TMEM131L: variants seen among roughly 807,000 people sequenced by gnomAD.
TMEM131L encodes transmembrane protein 131-like.
In TMEM131L, 54 loss-of-function variants were observed where a neutral mutation model predicts 192.2. That is an observed-to-expected ratio of 0.28 (90% CI 0.23 to 0.35). The LOEUF (loss-of-function observed/expected upper bound fraction) is 0.35. Ranked by LOEUF, TMEM131L falls within the 10% of genes least tolerant of loss-of-function variation. The pLI, the probability that TMEM131L is intolerant of heterozygous loss-of-function variation, is 1.00. For synonymous variants in TMEM131L, 701 were observed against 704.9 expected (o/e 0.99, Z 0.09); for missense variants, 1,888 against 1,972.9 (o/e 0.96, Z 0.82).
intron 3 of TMEM131L, among the ~76,000 whole-genome samples, chr4:153,531,685 C>T (rs1194236572): frequency 6.6e-6 from 1 of 152,140 alleles, no homozygotes; most frequent in African/African-American, 2.4e-5. Context: ...TTTCTTATCT[C>T]TGTTTATAGT....
At chr4:153,490,681 C>G (rs920959928) in intron 3 of TMEM131L, among the ~76,000 whole-genome samples, 1 of 151,886 alleles carries the variant, frequency 6.6e-6, no homozygotes, top group African/African-American at 2.4e-5. Flanking sequence ...AGCGGCCGGG[C>G]GTGGGGGCTC....
intron 27 of TMEM131L, 139 bp downstream of exon 27, chr4:153,621,019 T>G: frequency 1.7e-6 from 1 of 590,800 alleles, no homozygotes; most frequent in Non-Finnish European, 2.9e-6. Flanking sequence ...CTCTTAAGAT[T>G]AAAATACATT....
rs147296333 is a variant in TMEM131L, at chr4:153,636,372, C to T, written c.4629C>T (p.Ser1543=). ...GLFGSIWAPQ[S]DVYENCCPIN... is the part of the protein sequence containing the mutation. ...TTGGTTCCATCTGGGCCCCGCAAAG[C>T]GATGTGTATGAAAATTGCTGCCCCA... Residue 1543 remains serine (S), a synonymous_variant, in exon 35 of 35, where the codon AGC becomes AGT. Transcript: ENST00000409959. 11 of 1,614,104 alleles carry T rather than the reference C, an allele frequency of 6.8e-6. 1 individual carries two copies. The highest frequency in any genetic ancestry group is 4.5e-5 in the East Asian group (2 of 44,890).
intron 12 of TMEM131L, 73 bp from the exon 13 acceptor site, chr4:153,585,381 TGCAA>T: frequency 7.2e-7 from 1 of 1,380,602 alleles, no homozygotes; most frequent in Admixed American, 2.0e-5. Context: ...CTCCTGTTTT[TGCAA>T]TTAGAGGCTC....
At chr4:153,582,502 C>T (rs1036976906) in intron 9 of TMEM131L, among the ~76,000 whole-genome samples, 2 of 120,066 alleles carry the variant, frequency 1.7e-5, no homozygotes, top group Non-Finnish European at 3.2e-5. Flanking sequence ...TGGTCTTGAA[C>T]TCCTGGGCTC....
chr4:153,513,407 TA>T (rs777336031), intron 3 of TMEM131L, among the ~76,000 whole-genome samples: 127 of 152,146 alleles, frequency 8.3e-4, no homozygotes, highest in Non-Finnish European at 1.5e-3. Flanking sequence ...ATCAAATGAG[TA>T]AACTGAAGAC....
chr4:153,524,309 A>C (rs561206924), intron 3 of TMEM131L, among the ~76,000 whole-genome samples: 2 of 152,186 alleles, frequency 1.3e-5, no homozygotes, highest in Non-Finnish European at 2.9e-5. Flanking sequence ...GAGGGGCAGC[A>C]GCTAAGTTGT....
intron 3 of TMEM131L, among the ~76,000 whole-genome samples, chr4:153,476,260 G>C (rs776915261): frequency 6.6e-6 from 1 of 152,116 alleles, no homozygotes; most frequent in Non-Finnish European, 1.5e-5. Flanking sequence ...CGCCTGGCCT[G>C]AATTGATAAC....
At chr4:153,534,231 A>G (rs1736138141) in intron 3 of TMEM131L, among the ~76,000 whole-genome samples, 1 of 152,184 alleles carries the variant, frequency 6.6e-6, no homozygotes, top group South Asian at 2.1e-4. Flanking sequence ...CTTGCAGTCT[A>G]ATAGGATGTG....
intron 25 of TMEM131L, among the ~76,000 whole-genome samples, chr4:153,610,534 C>A (rs984190686): frequency 3.3e-5 from 5 of 152,192 alleles, no homozygotes; most frequent in Non-Finnish European, 5.9e-5. Context: ...TGTACTTAAA[C>A]CGTAAAAGCC....
At chr4:153,485,174 C>T (rs1250352852) in intron 3 of TMEM131L, among the ~76,000 whole-genome samples, 4 of 146,236 alleles carry the variant, frequency 2.7e-5, no homozygotes, top group Non-Finnish European at 6.0e-5. Flanking sequence ...TTAAATACTA[C>T]TCACTGTTGA....
intron 26 of TMEM131L, among the ~76,000 whole-genome samples, chr4:153,616,466 T>C (rs1732983094): frequency 6.6e-6 from 1 of 152,242 alleles, no homozygotes; most frequent in Non-Finnish European, 1.5e-5. Flanking sequence ...CAAAATTGTA[T>C]AAATCTGTCT....
Position 153,545,425 on chromosome 4 carries a change from C to G in TMEM131L, c.240-4648C>G, listed in dbSNP as rs372938699. 1.4e-4 allele frequency among the ~76,000 whole-genome samples: 22 copies of G among 151,922 alleles called. No individual in the cohort carries two copies. The East Asian group carries it at 3.9e-3, about 27-fold the overall frequency. On this transcript the variant is annotated intron_variant, in intron 3 of 34. Transcript: ENST00000409959. ...GCCTCAGCCTCCTGAGTAGCTGGGA[C>G]TACAGGCGCCCGCCACCATGCCTGA...
chr4:153,591,600 T>C (rs1474284649), intron 17 of TMEM131L, among the ~76,000 whole-genome samples: 1 of 152,172 alleles, frequency 6.6e-6, no homozygotes, highest in Non-Finnish European at 1.5e-5. Context: ...TGCTTGTCTG[T>C]GCCTCTCTCG....
chr4:153,524,549 A>G (rs1735345631), intron 3 of TMEM131L, among the ~76,000 whole-genome samples: 1 of 152,200 alleles, frequency 6.6e-6, no homozygotes, highest in Non-Finnish European at 1.5e-5. Context: ...TTTATACAAT[A>G]ATGATGCATG....
At chr4:153,530,461 A>G (rs1735813367) in intron 3 of TMEM131L, among the ~76,000 whole-genome samples, 1 of 152,126 alleles carries the variant, frequency 6.6e-6, no homozygotes, top group South Asian at 2.1e-4. Context: ...AAAACGCCCA[A>G]AGGAAGTACT....
intron 25 of TMEM131L, 94 bp from the exon 26 acceptor site, chr4:153,612,158 A>C: frequency 1.2e-6 from 1 of 865,760 alleles, no homozygotes; most frequent in Non-Finnish European, 1.7e-6. Context: ...TTTAACTCTC[A>C]TGAAGTCAAA....
At chr4:153,496,298 T>C (rs1733164099) in intron 3 of TMEM131L, among the ~76,000 whole-genome samples, 1 of 152,212 alleles carries the variant, frequency 6.6e-6, no homozygotes, top group Non-Finnish European at 1.5e-5. Context: ...GAATTTTCTG[T>C]AGAAGCCTGG....
At chr4:153,539,902 A>G (rs1250358321) in intron 3 of TMEM131L, among the ~76,000 whole-genome samples, 16 of 151,898 alleles carry the variant, frequency 1.1e-4, no homozygotes, top group Admixed American at 1.0e-3. Flanking sequence ...CCTGAGGTTG[A>G]GAGTTCCAGA....
Sources: allele counts gnomAD v4.1 joint callset (sites outside exome capture counted in the v4.1 genomes callset), GRCh38; gene constraint gnomAD v4.1.1; transcripts MANE v1.5; gene names NCBI Gene and HGNC (gene_info 2026-07-23, HGNC 2026-07-21).